Variants in TRPC5 observed in about 807,000 individuals in gnomAD.
The protein encoded by TRPC5 is short transient receptor potential channel 5.
In TRPC5, 9 loss-of-function variants were observed where a neutral mutation model predicts 56.5. That is an observed-to-expected ratio of 0.16 (90% CI 0.10 to 0.28). The LOEUF (loss-of-function observed/expected upper bound fraction) is 0.28, where lower values mean the gene tolerates loss of function less well. Ranked by LOEUF, TRPC5 falls within the 10% of genes least tolerant of loss-of-function variation. The pLI is 1.00. For synonymous variants in TRPC5, 282 were observed against 278.5 expected, an observed-to-expected ratio of 1.01 and a Z score of -0.13; for missense variants, 469 against 748.9, an observed-to-expected ratio of 0.63 and a Z score of 4.36.
At chrX:112,055,438 CAAG>C (rs1430784372) in intron 1 of TRPC5, among the ~76,000 whole-genome samples, 1 of 110,982 alleles carries the variant, frequency 9.0e-6, no homozygotes, top group African/African-American at 3.3e-5. Context: ...CCATTAATTC[CAAG>C]AATTGAAATT....
intron 3 of TRPC5, among the ~76,000 whole-genome samples, chrX:111,870,673 T>C (rs1923725633): frequency 9.0e-6 from 1 of 111,156 alleles, no homozygotes; most frequent in Non-Finnish European, 1.9e-5. Context: ...TTTAAAAACT[T>C]TGGTTTTCAG....
At chrX:111,885,988 G>GT (rs199615587) in intron 3 of TRPC5, among the ~76,000 whole-genome samples, 14 of 111,567 alleles carry the variant, frequency 1.3e-4, no homozygotes, top group Admixed American at 2.8e-4. Context: ...TAAAAATAAT[G>GT]TTTTTTTTCT....
intron 2 of TRPC5, among the ~76,000 whole-genome samples, chrX:111,948,830 C>T (rs1460418701): frequency 9.0e-6 from 1 of 111,453 alleles, no homozygotes; most frequent in Admixed American, 9.5e-5. Context: ...TCTCTCTGAT[C>T]CTTTTTAAGG....
At chrX:111,817,507 G>T (rs1921897843) in intron 7 of TRPC5, among the ~76,000 whole-genome samples, 1 of 109,317 alleles carries the variant, frequency 9.1e-6, no homozygotes, top group Non-Finnish European at 1.9e-5. Context: ...TGTATTTTTA[G>T]TAGAGACGGG....
chrX:111,974,654 G>A (rs1053664116), intron 1 of TRPC5, among the ~76,000 whole-genome samples: 1 of 110,787 alleles, frequency 9.0e-6, no homozygotes, highest in African/African-American at 3.3e-5. Context: ...GGAAAATTCA[G>A]CAGGCTAGTA....
Position 111,914,641 on chromosome X carries a change from G to C in TRPC5, c.379-1829C>G, listed in dbSNP as rs188448426. On this transcript the variant is annotated intron_variant, in intron 2 of 10. Transcript: ENST00000262839. ...TCATTAATGGCTAGGATGGAGCAGC[G>C]AGTAAACACTGTTAAACATTTAGAG... Among the ~76,000 whole-genome samples, 4 of 112,263 alleles carry C rather than the reference G, an allele frequency of 3.6e-5. No homozygotes were observed. The Admixed American group carries it at 3.8e-4, about 11-fold the overall frequency.
chrX:112,069,989 G>T (rs778154695), intron 1 of TRPC5, among the ~76,000 whole-genome samples: 3 of 111,853 alleles, frequency 2.7e-5, no homozygotes, highest in African/African-American at 9.7e-5. Context: ...TTCCTCCTCA[G>T]AGCTTTCCAA....
chrX:111,993,767 A>T (rs1391185692), intron 1 of TRPC5, among the ~76,000 whole-genome samples: 1 of 111,283 alleles, frequency 9.0e-6, no homozygotes, highest in South Asian at 3.8e-4. Flanking sequence ...TTTTCTGGTA[A>T]ATTTGTTTGA....
At chrX:111,937,627 C>G (rs1463133770) in intron 2 of TRPC5, among the ~76,000 whole-genome samples, 72 of 106,670 alleles carry the variant, frequency 6.7e-4, no homozygotes, top group Non-Finnish European at 9.1e-4. Context: ...GCTTGTTTTT[C>G]TCAGGTTTGT....
chrX:112,017,810 CACCGTTTT>C (rs199618346), intron 1 of TRPC5, among the ~76,000 whole-genome samples: 1,145 of 112,174 alleles, frequency 0.01, 10 homozygotes, highest in African/African-American at 0.035. Context: ...TCTTCTAGAA[CACCGTTTT>C]ACCTGCCATT....
At chrX:111,929,362 G>A (rs913073831) in intron 2 of TRPC5, among the ~76,000 whole-genome samples, 5 of 112,467 alleles carry the variant, frequency 4.4e-5, no homozygotes, top group African/African-American at 1.6e-4. Context: ...ACCGTGCCAA[G>A]GTTGTGTTCC....
chrX:111,772,228 T>C lies in TRPC5; in HGVS notation c.*4085A>G, dbSNP rs1945847379. ...ACAAGGTGGATATTTGGAGCAATTA[T>C]CTAGATAAAGTAAGCCAAAGAAACA... On this transcript the variant is annotated 3_prime_UTR_variant, in exon 11 of 11. Coordinates refer to ENST00000262839, the MANE Select transcript of TRPC5 (RefSeq NM_012471.3). 8.9e-6 allele frequency among the ~76,000 whole-genome samples: 1 copy of C among 111,816 alleles called. No homozygotes were observed. Among genetic ancestry groups the C allele is most frequent in the Admixed American group, 9.5e-5 (1 of 10,511 alleles).
chrX:111,941,014 C>A (rs1926763084), intron 2 of TRPC5, among the ~76,000 whole-genome samples: 1 of 112,136 alleles, frequency 8.9e-6, no homozygotes, highest in African/African-American at 3.2e-5. Flanking sequence ...TAAGTCTCCA[C>A]CCTAAAATGA....
chrX:111,905,779 G>A (rs973840715), intron 3 of TRPC5, among the ~76,000 whole-genome samples: 10 of 109,596 alleles, frequency 9.1e-5, no homozygotes, highest in East Asian at 2.9e-4. Flanking sequence ...GCTGGGCGTG[G>A]TGGCGGGCGC....
At position 111,912,809 on chromosome X, in the gene TRPC5, G is replaced by A. The variant is rs138627086; in HGVS notation, c.382C>T (p.Pro128Ser). 8.4e-6 allele frequency: 10 copies of A among 1,192,318 alleles called. No individual in the cohort carries two copies. Among genetic ancestry groups the A allele is most frequent in the Non-Finnish European group, 1.1e-5 (10 of 891,133 alleles). ...YRRPSGEKQV[P>S]TLMMDTQFSE... ...AACTGCGTGTCCATCATCAGAGTGG[G>A]GACCTAGGTACAAGAAATGAGAAGA... Residue 128 changes from proline (P) to serine (S), a missense_variant, in exon 3 of 11, where the codon CCC becomes TCC. Physicochemically the swap from Pro to Ser is moderately conservative, Grantham distance 74. Around this residue, in one of 3 missense-constraint regions of TRPC5, gnomAD observed 118 missense variants for 167.1 expected, o/e 0.71. Transcript: ENST00000262839.
At chrX:111,996,234 C>T (rs767557970) in intron 1 of TRPC5, among the ~76,000 whole-genome samples, 10 of 102,683 alleles carry the variant, frequency 9.7e-5, no homozygotes, top group Non-Finnish European at 1.8e-4. Flanking sequence ...CCTTCATTTC[C>T]TTATTTACCC....
At chrX:111,876,695 T>C in intron 3 of TRPC5, among the ~76,000 whole-genome samples, 1 of 111,393 alleles carries the variant, frequency 9.0e-6, no homozygotes, top group Middle Eastern at 4.6e-3. Flanking sequence ...CTTTAATGAG[T>C]CTCTACCACC....
intron 1 of TRPC5, among the ~76,000 whole-genome samples, chrX:112,002,623 G>T (rs902493099): frequency 8.9e-6 from 1 of 111,927 alleles, no homozygotes; most frequent in East Asian, 2.8e-4. Flanking sequence ...ATTCACTAGA[G>T]AGTTGAGGTA....
At position 111,782,259 on chromosome X, in the gene TRPC5, A is replaced by G; in HGVS notation, c.1897-121T>C. ...AATATGTCAAGAGCTATATAAATTC[A>G]AATTATACATACCCTGTCACCCAGT... On this transcript the variant is annotated intron_variant, in intron 7 of 10. Transcript: ENST00000262839. The G allele has an allele frequency of 5.7e-6, 3 of 524,128 alleles. No homozygotes were observed. In the South Asian group the frequency reaches 1.1e-4, roughly 20 times the overall value. 43.2% of individuals were successfully genotyped at this position (524,128 alleles called of 1,213,427 possible). A position where few individuals can be genotyped will look rare whatever the true frequency, so the allele number is the denominator to read the frequency against.
Sources: allele counts gnomAD v4.1 joint callset (sites outside exome capture counted in the v4.1 genomes callset), GRCh38; gene constraint gnomAD v4.1.1; regional missense constraint gnomAD v4.1.1; transcripts MANE v1.5; gene names NCBI Gene and HGNC (gene_info 2026-07-23, HGNC 2026-07-21).